The following CORO2A variants were observed in gnomAD, a reference collection of about 807,000 sequenced individuals.
CORO2A encodes coronin-2A.
Under a neutral mutation model 62.4 loss-of-function variants are expected in CORO2A, and 47 were observed. That is an observed-to-expected ratio of 0.75 (90% CI 0.60 to 0.96). CORO2A has a LOEUF of 0.96. Ranked by LOEUF, CORO2A falls within the 40% of genes least tolerant of loss-of-function variation. The pLI, the probability that CORO2A is intolerant of heterozygous loss-of-function variation, is 0.00. For synonymous variants in CORO2A, 273 were observed against 268.9 expected, an observed-to-expected ratio of 1.02 and a Z score of -0.15; for missense variants, 610 against 684.1, an observed-to-expected ratio of 0.89 and a Z score of 1.21.
Position 98,137,702 on chromosome 9 carries a change from C to A in CORO2A, c.202-14G>T. ...CAACTTCCCTGTCTGCAAGACAGTG[C>A]CCAGGAGGGTTGGGGAGGAGGTGGA... On this transcript the variant is annotated splice_polypyrimidine_tract_variant and intron_variant, in intron 2 of 11. Transcript: ENST00000375077. 1 of 1,591,744 alleles carries A rather than the reference C, an allele frequency of 6.3e-7. No individual in the cohort carries two copies. Among genetic ancestry groups the A allele is most frequent in the Non-Finnish European group, 8.6e-7 (1 of 1,159,434 alleles).
At chr9:98,169,388 C>A (rs1828003642) in intron 1 of CORO2A, among the ~76,000 whole-genome samples, 1 of 152,104 alleles carries the variant, frequency 6.6e-6, no homozygotes, top group African/African-American at 2.4e-5. Context: ...GGCGGGCCAC[C>A]TCCTCCTGCC....
At chr9:98,153,448 C>A (rs1348901589) in intron 2 of CORO2A, among the ~76,000 whole-genome samples, 5 of 151,288 alleles carry the variant, frequency 3.3e-5, no homozygotes, top group Admixed American at 1.3e-4. Context: ...TATTCTGTCA[C>A]CCAGGCTGGA....
chr9:98,172,186 C>T (rs1381378899), intron 1 of CORO2A, among the ~76,000 whole-genome samples: 1 of 151,726 alleles, frequency 6.6e-6, no homozygotes, highest in African/African-American at 2.4e-5. Flanking sequence ...ATGCTGGAAG[C>T]CCCACACCCC....
Position 98,139,085 on chromosome 9 carries a change from C to T in CORO2A, c.202-1397G>A, listed in dbSNP as rs927666597. Among the ~76,000 whole-genome samples, 7 of 150,754 alleles carry T rather than the reference C, an allele frequency of 4.6e-5. No individual in the cohort carries two copies. In the East Asian group the frequency reaches 1.4e-3, roughly 29 times the overall value. ...AAAGAAAGAAAAATGCAGAACGATACATTCATGGAGACAGAAGGCAAGATT... is the reference window on the plus strand; with the variant it reads ...AAAGAAAGAAAAATGCAGAACGATATATTCATGGAGACAGAAGGCAAGATT... On this transcript the variant is annotated intron_variant, in intron 2 of 11. Transcript: ENST00000375077.
At chr9:98,183,889 A>G (rs1397241612) in intron 1 of CORO2A, among the ~76,000 whole-genome samples, 2 of 152,204 alleles carry the variant, frequency 1.3e-5, no homozygotes, top group Non-Finnish European at 2.9e-5. Context: ...TGAACCCGGG[A>G]GGCGGAGTTT....
At chr9:98,130,818 G>T in intron 7 of CORO2A, 137 bp downstream of exon 7, 1 of 672,422 alleles carries the variant, frequency 1.5e-6, no homozygotes, top group Non-Finnish European at 2.6e-6. Flanking sequence ...AGGAGGGTGG[G>T]AGGGGTTCCT....
chr9:98,149,947 T>G (rs865849381), intron 2 of CORO2A, among the ~76,000 whole-genome samples: 2 of 112,436 alleles, frequency 1.8e-5, no homozygotes, highest in African/African-American at 7.2e-5. Flanking sequence ...TTTTTTTTTT[T>G]GAGAGAGTCT....
At chr9:98,153,302 T>C (rs1031450707) in intron 2 of CORO2A, among the ~76,000 whole-genome samples, 3 of 152,282 alleles carry the variant, frequency 2.0e-5, no homozygotes, top group Admixed American at 6.5e-5. Flanking sequence ...AGTTTCACCA[T>C]GTTGGCCAGG....
rs543158641 is a variant in CORO2A, at chr9:98,149,087, G to A, written c.201+8373C>T. On this transcript the variant is annotated intron_variant, in intron 2 of 11. Coordinates refer to ENST00000375077, the MANE Select transcript of CORO2A (RefSeq NM_052820.4). The stretch of plus-strand genomic sequence containing the variant: ...GTATCACAACAGTATGCTGTACTGC[G>A]TACTGTAGTCTTATAAGATGTTACC... 9.2e-5 allele frequency among the ~76,000 whole-genome samples: 14 copies of A among 152,212 alleles called. No individual in the cohort carries two copies. In the South Asian group the frequency reaches 1.5e-3, roughly 16 times the overall value.
At chr9:98,138,830 C>T (rs1215182363) in intron 2 of CORO2A, among the ~76,000 whole-genome samples, 1 of 151,620 alleles carries the variant, frequency 6.6e-6, no homozygotes, top group East Asian at 1.9e-4. Context: ...GGGTGGATCA[C>T]GAGGTCAGGA....
chr9:98,124,798 C>T lies in CORO2A; in HGVS notation c.1554G>A (p.Leu518=), dbSNP rs775506302. The change falls in exon 12 of 12, where the codon TTG becomes TTA. Residue 518 remains leucine (L), a synonymous_variant. Coordinates refer to ENST00000375077, the MANE Select transcript of CORO2A (RefSeq NM_052820.4). ...AKQLELEIKN[L]RMGSEQL is the part of the protein sequence containing the mutation. Reference sequence around the variant, plus strand: ...CTCAGAGCTGCTCTGAGCCCATCCGCAAGTTTTTGATCTCCAGTTCCAACT... The same window carrying T: ...CTCAGAGCTGCTCTGAGCCCATCCGTAAGTTTTTGATCTCCAGTTCCAACT... The T allele has an allele frequency of 1.2e-6, 2 of 1,612,006 alleles. No individual in the cohort carries two copies. Among genetic ancestry groups the T allele is most frequent in the Non-Finnish European group, 1.7e-6 (2 of 1,179,218 alleles).
intron 3 of CORO2A, among the ~76,000 whole-genome samples, chr9:98,137,363 T>G (rs942901668): frequency 2.0e-5 from 3 of 152,162 alleles, no homozygotes; most frequent in Non-Finnish European, 4.4e-5. Flanking sequence ...GGGGGGGAAC[T>G]AAGGCCCATA....
intron 2 of CORO2A, among the ~76,000 whole-genome samples, chr9:98,155,890 A>G (rs1448931833): frequency 6.6e-6 from 1 of 152,006 alleles, no homozygotes; most frequent in Non-Finnish European, 1.5e-5. Context: ...ATTGTTGGCC[A>G]GTCTCTGCAG....
At chr9:98,124,968 C>T in intron 11 of CORO2A, 63 bp from the exon 12 acceptor site, 1 of 1,535,206 alleles carries the variant, frequency 6.5e-7, no homozygotes, top group Non-Finnish European at 8.8e-7. Context: ...GAAAGCTAAA[C>T]CACTATCCCT....
At chr9:98,179,866 G>A (rs957480793) in intron 1 of CORO2A, among the ~76,000 whole-genome samples, 7 of 152,064 alleles carry the variant, frequency 4.6e-5, no homozygotes, top group East Asian at 1.9e-4. Flanking sequence ...AGCCAGGTGC[G>A]GTGGCAGGTG....
At chr9:98,126,400 G>T in intron 11 of CORO2A, 149 bp downstream of exon 11, 1 of 1,050,132 alleles carries the variant, frequency 9.5e-7, no homozygotes, top group Non-Finnish European at 1.4e-6. Flanking sequence ...TTTGTTGAAT[G>T]AATTAACAAA....
At chr9:98,155,519 G>A (rs149182564) in intron 2 of CORO2A, among the ~76,000 whole-genome samples, 7,612 of 151,606 alleles carry the variant, frequency 0.05, 591 homozygotes, top group African/African-American at 0.17. Flanking sequence ...GCTAATTTTT[G>A]TATTTTTAGT....
At chr9:98,187,097 G>A (rs142391990) in intron 1 of CORO2A, among the ~76,000 whole-genome samples, 2,477 of 152,084 alleles carry the variant, frequency 0.016, 57 homozygotes, top group African/African-American at 0.056. Context: ...GGCTAACACT[G>A]TGAAACCCCG....
At chr9:98,181,239 C>G (rs932482612) in intron 1 of CORO2A, among the ~76,000 whole-genome samples, 1 of 137,636 alleles carries the variant, frequency 7.3e-6, no homozygotes, top group African/African-American at 2.9e-5. Context: ...CCAGAACCCA[C>G]GGGCACCCAC....
Sources: allele counts gnomAD v4.1 joint callset (sites outside exome capture counted in the v4.1 genomes callset), GRCh38; gene constraint gnomAD v4.1.1; transcripts MANE v1.5; gene names NCBI Gene and HGNC (gene_info 2026-07-23, HGNC 2026-07-21).